CCSER1: variants seen among roughly 807,000 people sequenced by gnomAD.
The protein encoded by CCSER1 is serine-rich coiled-coil domain-containing protein 1.
In CCSER1, 41 loss-of-function variants were observed where a neutral mutation model predicts 82.0. That is an observed-to-expected ratio of 0.50 (90% CI 0.39 to 0.65). The LOEUF (loss-of-function observed/expected upper bound fraction) is 0.65. CCSER1 is among the 30% of genes least tolerant of loss of function. The pLI, the probability that CCSER1 is intolerant of heterozygous loss-of-function variation, is 0.00. For synonymous variants in CCSER1, 414 were observed against 383.9 expected, an observed-to-expected ratio of 1.08 and a Z score of -0.92; for missense variants, 1,119 against 1,064.2, an observed-to-expected ratio of 1.05 and a Z score of -0.72.
intron 6 of CCSER1, among the ~76,000 whole-genome samples, chr4:90,650,229 A>G (rs1728482676): frequency 6.6e-6 from 1 of 152,046 alleles, no homozygotes; most frequent in South Asian, 2.1e-4. Context: ...AAACAAACAA[A>G]CAAACAAACA....
chr4:90,542,665 A>G (rs1213953960), intron 5 of CCSER1, among the ~76,000 whole-genome samples: 1 of 152,174 alleles, frequency 6.6e-6, no homozygotes, highest in African/African-American at 2.4e-5. Flanking sequence ...TTGAATAACT[A>G]TAAAGACCTT....
At position 90,415,625 on chromosome 4, in the gene CCSER1, A is replaced by C. The variant is rs533890643; in HGVS notation, c.1603+15496A>C. Among the ~76,000 whole-genome samples, 4 of 152,326 alleles carry C rather than the reference A, an allele frequency of 2.6e-5. 1 individual carries two copies. In the South Asian group the frequency reaches 8.3e-4, roughly 32 times the overall value. ...ATTTTGCAAATGGCTGTTATCAAAT[A>C]ACTGGTTAAATATTAAGCAATGCAT... On this transcript the variant is annotated intron_variant, in intron 4 of 10. Transcript: ENST00000509176.
At chr4:90,519,175 A>T (rs577092315) in intron 5 of CCSER1, among the ~76,000 whole-genome samples, 71 of 151,968 alleles carry the variant, frequency 4.7e-4, no homozygotes, top group African/African-American at 1.6e-3. Context: ...TTATTCATTC[A>T]TTCATTCATT....
chr4:91,302,574 ACTCT>A (rs1195524668), intron 10 of CCSER1, among the ~76,000 whole-genome samples: 1 of 151,626 alleles, frequency 6.6e-6, no homozygotes, highest in Non-Finnish European at 1.5e-5. Context: ...TTCTACATAA[ACTCT>A]CTCTATTTGA....
At chr4:91,321,033 AT>A (rs1746159702) in intron 10 of CCSER1, among the ~76,000 whole-genome samples, 1 of 152,034 alleles carries the variant, frequency 6.6e-6, no homozygotes, top group South Asian at 2.1e-4. Flanking sequence ...CTTGTCTTAT[AT>A]TTCAGAATTA....
chr4:91,093,196 C>T (rs1030061574), intron 10 of CCSER1, among the ~76,000 whole-genome samples: 15 of 152,158 alleles, frequency 9.9e-5, no homozygotes, highest in Non-Finnish European at 1.9e-4. Context: ...CCAAAGTTAC[C>T]ACCGCATATC....
intron 8 of CCSER1, among the ~76,000 whole-genome samples, chr4:90,883,000 G>A (rs1459480640): frequency 6.6e-6 from 1 of 152,000 alleles, no homozygotes; most frequent in Non-Finnish European, 1.5e-5. Context: ...ATTCTATACA[G>A]TAGTTTCTAA....
intron 1 of CCSER1, among the ~76,000 whole-genome samples, chr4:90,190,813 C>T (rs1417138381): frequency 6.6e-6 from 1 of 151,972 alleles, no homozygotes; most frequent in African/African-American, 2.4e-5. Flanking sequence ...TTAATTGGCA[C>T]CAAGGTTTTC....
intron 1 of CCSER1, among the ~76,000 whole-genome samples, chr4:90,292,673 T>C (rs1331102997): frequency 1.3e-5 from 2 of 151,892 alleles, no homozygotes; most frequent in African/African-American, 4.8e-5. Flanking sequence ...CAGCACTTAC[T>C]TAAAAAAAAA....
chr4:90,615,331 C>T (rs1373154063), intron 5 of CCSER1, among the ~76,000 whole-genome samples: 1 of 152,088 alleles, frequency 6.6e-6, no homozygotes, highest in Non-Finnish European at 1.5e-5. Context: ...TTAAGAAATA[C>T]ACGTTGTAAG....
chr4:90,472,588 T>C (rs1764545874), intron 5 of CCSER1, among the ~76,000 whole-genome samples: 1 of 152,182 alleles, frequency 6.6e-6, no homozygotes, highest in South Asian at 2.1e-4. Flanking sequence ...CTGCAATATC[T>C]AAAATTCATC....
intron 10 of CCSER1, among the ~76,000 whole-genome samples, chr4:91,185,257 G>A (rs999885590): frequency 3.3e-5 from 5 of 152,100 alleles, no homozygotes; most frequent in African/African-American, 1.2e-4. Context: ...TCCACATATG[G>A]CACAATTAGG....
chr4:91,259,597 C>T (rs1397301951), intron 10 of CCSER1, among the ~76,000 whole-genome samples: 1 of 151,848 alleles, frequency 6.6e-6, no homozygotes, highest in Non-Finnish European at 1.5e-5. Flanking sequence ...CCCTAGCCCC[C>T]CACCCTCCAA....
intron 6 of CCSER1, among the ~76,000 whole-genome samples, chr4:90,704,911 G>T (rs1341935486): frequency 6.6e-6 from 1 of 152,016 alleles, no homozygotes; most frequent in Non-Finnish European, 1.5e-5. Context: ...TCTTTTAATG[G>T]GTTCGAACTT....
chr4:90,605,091 T>G (rs1784510031), intron 5 of CCSER1, among the ~76,000 whole-genome samples: 1 of 152,210 alleles, frequency 6.6e-6, no homozygotes, highest in African/African-American at 2.4e-5. Context: ...CTTTATGAGC[T>G]GTAATGTTCA....
chr4:90,178,590 C>T (rs565283559), intron 1 of CCSER1, among the ~76,000 whole-genome samples: 10 of 152,064 alleles, frequency 6.6e-5, no homozygotes, highest in East Asian at 5.8e-4. Context: ...TGTTAATGAG[C>T]GTGCTGGTTG....
intron 10 of CCSER1, among the ~76,000 whole-genome samples, chr4:91,168,277 G>T (rs1233750096): frequency 4.2e-5 from 5 of 117,948 alleles, no homozygotes; most frequent in Admixed American, 8.9e-5. Flanking sequence ...AGTGAGGAGC[G>T]CCTCTGCCCG....
intron 3 of CCSER1, among the ~76,000 whole-genome samples, chr4:90,387,976 A>C (rs1750325608): frequency 6.6e-6 from 1 of 152,202 alleles, no homozygotes; most frequent in African/African-American, 2.4e-5. Context: ...TGTCAAAAGC[A>C]AGGACAGTTT....
chr4:90,487,255 A>G (rs1266889536), intron 5 of CCSER1, among the ~76,000 whole-genome samples: 3 of 152,208 alleles, frequency 2.0e-5, no homozygotes, highest in Non-Finnish European at 4.4e-5. Context: ...TCTGTTATGT[A>G]ATAATCAACA....
Sources: allele counts gnomAD v4.1 joint callset (sites outside exome capture counted in the v4.1 genomes callset), GRCh38; gene constraint gnomAD v4.1.1; transcripts MANE v1.5; gene names NCBI Gene and HGNC (gene_info 2026-07-23, HGNC 2026-07-21).